Variants in TRPS1 observed in about 807,000 individuals in gnomAD.
The protein encoded by TRPS1 is zinc finger transcription factor Trps1.
A neutral mutation model predicts 101.2 loss-of-function variants in TRPS1; 6 were observed. That is an observed-to-expected ratio of 0.06 (90% CI 0.03 to 0.12). The LOEUF (loss-of-function observed/expected upper bound fraction) is 0.12, where lower values mean the gene tolerates loss of function less well. Among genes scored for constraint, TRPS1 ranks in the 10% least tolerant of loss-of-function variants. The pLI, the probability that TRPS1 is intolerant of heterozygous loss-of-function variation, is 1.00. For synonymous variants in TRPS1, 578 were observed against 589.8 expected (o/e 0.98, Z 0.29); for missense variants, 1,363 against 1,567.0 (o/e 0.87, Z 2.20).
intron 5 of TRPS1, among the ~76,000 whole-genome samples, chr8:115,527,079 G>T (rs1051127030): frequency 6.6e-6 from 1 of 151,980 alleles, no homozygotes. Flanking sequence ...GGGATATCAC[G>T]TTTCCTCATA....
chr8:115,627,368 T>C (rs777826024), intron 1 of TRPS1, among the ~76,000 whole-genome samples: 3 of 151,738 alleles, frequency 2.0e-5, no homozygotes, highest in Non-Finnish European at 4.4e-5. Context: ...ATGACAACTG[T>C]TGATTCACAT....
chr8:115,498,564 T>C (rs1348025183), intron 5 of TRPS1, among the ~76,000 whole-genome samples: 1 of 151,362 alleles, frequency 6.6e-6, no homozygotes, highest in Non-Finnish European at 1.5e-5. Context: ...TAAAATTTAC[T>C]TATATGGAAA....
chr8:115,568,011 CT>C (rs1426284249), intron 5 of TRPS1, among the ~76,000 whole-genome samples: 1 of 152,010 alleles, frequency 6.6e-6, no homozygotes, highest in Non-Finnish European at 1.5e-5. Context: ...TTTTCTATAC[CT>C]TAGTGCCATC....
intron 5 of TRPS1, among the ~76,000 whole-genome samples, chr8:115,532,147 A>C (rs545735611): frequency 1.3e-5 from 2 of 150,766 alleles, no homozygotes; most frequent in African/African-American, 4.8e-5. Flanking sequence ...TGGAAAATAC[A>C]TATTTGCACC....
At chr8:115,605,562 T>C (rs1200493600) in intron 3 of TRPS1, among the ~76,000 whole-genome samples, 2 of 152,024 alleles carry the variant, frequency 1.3e-5, no homozygotes, top group East Asian at 3.9e-4. Flanking sequence ...TGGCTTATAA[T>C]TAAAGCACAG....
At chr8:115,545,528 A>C (rs914411554) in intron 5 of TRPS1, among the ~76,000 whole-genome samples, 1 of 152,230 alleles carries the variant, frequency 6.6e-6, no homozygotes, top group African/African-American at 2.4e-5. Context: ...GAAAGTCATT[A>C]AAATAGCACA....
chr8:115,480,707 C>T (rs1814732064), intron 5 of TRPS1, among the ~76,000 whole-genome samples: 1 of 152,028 alleles, frequency 6.6e-6, no homozygotes, highest in African/African-American at 2.4e-5. Flanking sequence ...TTTTTAAGCC[C>T]TTTCATTAAC....
At chr8:115,540,625 C>A (rs1816430030) in intron 5 of TRPS1, among the ~76,000 whole-genome samples, 1 of 151,626 alleles carries the variant, frequency 6.6e-6, no homozygotes, top group African/African-American at 2.4e-5. Context: ...AATGTAATCA[C>A]CATTTAAATT....
intron 6 of TRPS1, among the ~76,000 whole-genome samples, chr8:115,416,183 G>GTA (rs1812914672): frequency 6.6e-6 from 1 of 151,942 alleles, no homozygotes; most frequent in South Asian, 2.1e-4. Context: ...TTCAGCTTAA[G>GTA]TATTTTGTTT....
chr8:115,510,036 T>C (rs1419784903), intron 5 of TRPS1, among the ~76,000 whole-genome samples: 1 of 152,052 alleles, frequency 6.6e-6, no homozygotes, highest in Non-Finnish European at 1.5e-5. Context: ...ATTCAATTTC[T>C]TAGCTTTGTA....
At chr8:115,502,034 T>C (rs1417035644) in intron 5 of TRPS1, among the ~76,000 whole-genome samples, 1 of 152,096 alleles carries the variant, frequency 6.6e-6, no homozygotes, top group Non-Finnish European at 1.5e-5. Context: ...TTTAGCATTA[T>C]ACAGTCAACA....
At chr8:115,520,722 A>G (rs1815837526) in intron 5 of TRPS1, among the ~76,000 whole-genome samples, 3 of 96 alleles carry the variant, frequency 0.031, no homozygotes, top group Non-Finnish European at 0.056. Flanking sequence ...ACTATTAATT[A>G]AAGTTCTTAG....
At position 115,412,756 on chromosome 8, in the gene TRPS1, T is replaced by G. The variant is rs934710463; in HGVS notation, c.*1267A>C. On this transcript the variant is annotated 3_prime_UTR_variant, in exon 7 of 7. Coordinates refer to ENST00000395715, the MANE Select transcript of TRPS1 (RefSeq NM_014112.5). ...ACTAACAGCACCTTTAACCAATTAT[T>G]TAATGTTCAGTTATTTAGCCCTATT... 1 of 152,528 alleles carries G rather than the reference T, an allele frequency of 6.6e-6. No individual in the cohort carries two copies. Among genetic ancestry groups the G allele is most frequent in the Non-Finnish European group, 1.5e-5 (1 of 68,004 alleles). The allele number at this position is 152,528 out of a possible 1,614,324, so 9.4% of individuals were successfully genotyped here. A position where few individuals can be genotyped will look rare whatever the true frequency, so the allele number is the denominator to read the frequency against.
rs545159512 is a variant in TRPS1 at position 115,552,651 on chromosome 8, T to C, written c.2700+34350A>G. On this transcript the variant is annotated intron_variant, in intron 5 of 6. Transcript: ENST00000395715. Reference sequence around the variant, plus strand: ...TAATTAAAAACTGTAGCATAGTAACTTCCTTGGTAACTTAACTAAACACAA... The same window carrying C: ...TAATTAAAAACTGTAGCATAGTAACCTCCTTGGTAACTTAACTAAACACAA... Among the ~76,000 whole-genome samples the C allele has an allele frequency of 2.0e-5, 3 of 152,264 alleles. No homozygotes were observed. The South Asian group carries it at 6.2e-4, about 32-fold the overall frequency.
At chr8:115,503,209 G>A (rs560221583) in intron 5 of TRPS1, among the ~76,000 whole-genome samples, 3 of 144,620 alleles carry the variant, frequency 2.1e-5, no homozygotes, top group African/African-American at 5.2e-5. Context: ...AGCCGAGATC[G>A]CACCACTGCA....
chr8:115,500,198 T>G (rs1238727306), intron 5 of TRPS1, among the ~76,000 whole-genome samples: 1 of 151,870 alleles, frequency 6.6e-6, no homozygotes, highest in Non-Finnish European at 1.5e-5. Flanking sequence ...CCCGGCCAAT[T>G]TTTGTAATTT....
intron 5 of TRPS1, among the ~76,000 whole-genome samples, chr8:115,497,559 C>T (rs948955676): frequency 2.6e-5 from 4 of 152,132 alleles, no homozygotes; most frequent in African/African-American, 9.7e-5. Flanking sequence ...TGCTCAAGTT[C>T]TAATTCTTCT....
chr8:115,567,327 C>T (rs1015319591), intron 5 of TRPS1, among the ~76,000 whole-genome samples: 3 of 152,092 alleles, frequency 2.0e-5, no homozygotes, highest in African/African-American at 7.2e-5. Flanking sequence ...ACCTTCATTT[C>T]CATCGTAATC....
At chr8:115,642,261 T>TATATAC (rs1563664911) in intron 1 of TRPS1, among the ~76,000 whole-genome samples, 6 of 148,082 alleles carry the variant, frequency 4.1e-5, no homozygotes, top group African/African-American at 1.3e-4. Flanking sequence ...TATATATATA[T>TATATAC]ACACACATAC....
Sources: allele counts gnomAD v4.1 joint callset (sites outside exome capture counted in the v4.1 genomes callset), GRCh38; gene constraint gnomAD v4.1.1; transcripts MANE v1.5; gene names NCBI Gene and HGNC (gene_info 2026-07-23, HGNC 2026-07-21).